Variants in CADM2 observed in about 807,000 individuals in gnomAD.
The protein encoded by CADM2 is immunoglobulin superfamily member 4D.
A neutral mutation model predicts 49.8 loss-of-function variants in CADM2; 12 were observed. The observed-to-expected ratio is 0.24, with a 90% confidence interval of 0.15 to 0.39. CADM2 has a LOEUF of 0.39. CADM2 is among the 10% of genes least tolerant of loss of function. CADM2 has a pLI of 1.00. For synonymous variants in CADM2, 214 were observed against 175.4 expected (o/e 1.22, Z -1.74); for missense variants, 378 against 492.3 (o/e 0.77, Z 2.20).
intron 1 of CADM2, among the ~76,000 whole-genome samples, chr3:85,464,589 T>A (rs1160031520): frequency 6.6e-6 from 1 of 152,196 alleles, no homozygotes; most frequent in Non-Finnish European, 1.5e-5. Context: ...TCTTGCCCCA[T>A]TTTAGGCAGA....
intron 1 of CADM2, among the ~76,000 whole-genome samples, chr3:85,381,854 T>G (rs1301045825): frequency 6.6e-6 from 1 of 152,028 alleles, no homozygotes; most frequent in Admixed American, 6.6e-5. Context: ...ACTCTAGAAC[T>G]TCATTGCTAT....
intron 1 of CADM2, among the ~76,000 whole-genome samples, chr3:85,381,764 A>G (rs1194276167): frequency 6.6e-6 from 1 of 152,070 alleles, no homozygotes; most frequent in African/African-American, 2.4e-5. Flanking sequence ...GCAGGGCTGC[A>G]GGATGTGGGA....
chr3:85,613,100 G>A (rs185242527), intron 1 of CADM2, among the ~76,000 whole-genome samples: 8 of 151,860 alleles, frequency 5.3e-5, no homozygotes, highest in Non-Finnish European at 1.0e-4. Flanking sequence ...GAATAAGGTA[G>A]TTACATGGAT....
At chr3:85,462,802 C>A (rs944947302) in intron 1 of CADM2, among the ~76,000 whole-genome samples, 3 of 152,142 alleles carry the variant, frequency 2.0e-5, no homozygotes, top group Non-Finnish European at 4.4e-5. Context: ...ATATTGCACA[C>A]TCCCATTGAT....
rs527970714 is a variant in CADM2, at chr3:85,369,770, A to T, written c.62-356752A>T. 2.0e-5 allele frequency among the ~76,000 whole-genome samples: 3 copies of T among 152,298 alleles called. No homozygotes were observed. In the South Asian group the frequency reaches 6.2e-4, roughly 32 times the overall value. On this transcript the variant is annotated intron_variant, in intron 1 of 9. Coordinates refer to ENST00000383699, the MANE Select transcript of CADM2 (RefSeq NM_001167675.2). ...TAAAGAGGCATAGAAAAGTGCCTAGATAATCTGCTGACTTTATTACATCAG... is the reference window on the plus strand; with the variant it reads ...TAAAGAGGCATAGAAAAGTGCCTAGTTAATCTGCTGACTTTATTACATCAG...
intron 1 of CADM2, among the ~76,000 whole-genome samples, chr3:85,307,019 C>A (rs1431074058): frequency 6.6e-6 from 1 of 151,552 alleles, no homozygotes; most frequent in Admixed American, 6.6e-5. Flanking sequence ...TGTTCTTGAA[C>A]TTCTTATAAA....
At position 85,150,471 on chromosome 3, in the gene CADM2, A is replaced by AT. The variant is rs1275864916; in HGVS notation, c.61+190811dup. On this transcript the variant is annotated intron_variant, in intron 1 of 9. Transcript: ENST00000383699. ...AGTAGTTTTTCTTGAGCTGTCAGAA[A>AT]TTTTTTTTCCAATGAAGACCAAATT... is the stretch of plus-strand genomic sequence containing the variant. Among the ~76,000 whole-genome samples the AT allele has an allele frequency of 3.3e-5, 5 of 152,222 alleles. No homozygotes were observed. In the South Asian group the frequency reaches 8.3e-4, roughly 25 times the overall value.
chr3:85,313,140 A>T (rs1004106241), intron 1 of CADM2, among the ~76,000 whole-genome samples: 8 of 152,192 alleles, frequency 5.3e-5, no homozygotes, highest in Non-Finnish European at 1.2e-4. Flanking sequence ...CTGTGTGCTA[A>T]TGAGGAGAAC....
intron 1 of CADM2, among the ~76,000 whole-genome samples, chr3:85,123,245 A>G (rs1229802484): frequency 6.6e-6 from 1 of 152,188 alleles, no homozygotes; most frequent in Non-Finnish European, 1.5e-5. Flanking sequence ...TGACATCACA[A>G]CTAAAGGCAA....
intron 8 of CADM2, among the ~76,000 whole-genome samples, chr3:86,052,481 C>G (rs1351538676): frequency 2.0e-5 from 3 of 152,024 alleles, no homozygotes; most frequent in Non-Finnish European, 2.9e-5. Flanking sequence ...TAAGTCTTTT[C>G]ATTGGTATGT....
intron 6 of CADM2, among the ~76,000 whole-genome samples, chr3:85,928,764 T>G (rs1274671361): frequency 6.6e-6 from 1 of 152,088 alleles, no homozygotes; most frequent in Non-Finnish European, 1.5e-5. Context: ...AAAACTTCAG[T>G]TTTTTTGCAT....
intron 1 of CADM2, among the ~76,000 whole-genome samples, chr3:85,685,623 T>G (rs1395542496): frequency 1.3e-5 from 2 of 148,324 alleles, no homozygotes; most frequent in Non-Finnish European, 3.0e-5. Context: ...TTCTTTTTTT[T>G]TTTTTTTTTT....
intron 1 of CADM2, among the ~76,000 whole-genome samples, chr3:85,584,364 A>G (rs1330823956): frequency 1.3e-5 from 2 of 152,058 alleles, no homozygotes; most frequent in Non-Finnish European, 2.9e-5. Flanking sequence ...TCATTTTTAT[A>G]CTAAGATATA....
chr3:85,175,827 CAA>C (rs1405157755), intron 1 of CADM2, among the ~76,000 whole-genome samples: 4 of 146,950 alleles, frequency 2.7e-5, no homozygotes, highest in Admixed American at 1.4e-4. Flanking sequence ...AGCGGAGTAA[CAA>C]GAGTAAAAAA....
chr3:85,661,956 CTTAGAG>C (rs1047202900), intron 1 of CADM2, among the ~76,000 whole-genome samples: 2 of 151,984 alleles, frequency 1.3e-5, no homozygotes, highest in Non-Finnish European at 2.9e-5. Context: ...ATTATTCTCT[CTTAGAG>C]TTAAACATAC....
At chr3:85,377,226 C>CT (rs2033644597) in intron 1 of CADM2, among the ~76,000 whole-genome samples, 1 of 151,996 alleles carries the variant, frequency 6.6e-6, no homozygotes, top group Admixed American at 6.6e-5. Context: ...TTATTTTGTG[C>CT]TTTGTGACAA....
At chr3:85,696,866 C>T (rs577014306) in intron 1 of CADM2, among the ~76,000 whole-genome samples, 6 of 151,786 alleles carry the variant, frequency 4.0e-5, no homozygotes, top group African/African-American at 1.4e-4. Flanking sequence ...AAAATCTTGA[C>T]TATATGTCCA....
At chr3:85,340,476 C>G (rs949849027) in intron 1 of CADM2, among the ~76,000 whole-genome samples, 1 of 151,424 alleles carries the variant, frequency 6.6e-6, no homozygotes, top group African/African-American at 2.4e-5. Context: ...ATTATAGATA[C>G]ATATATATGT....
At chr3:85,106,391 T>G (rs1480928810) in intron 1 of CADM2, among the ~76,000 whole-genome samples, 1 of 152,134 alleles carries the variant, frequency 6.6e-6, no homozygotes, top group Non-Finnish European at 1.5e-5. Flanking sequence ...AGAAGGTACT[T>G]TCTTCCATTT....
Sources: gnomAD v4.1 joint callset for allele counts (sites outside exome capture counted in the v4.1 genomes callset) on GRCh38, gnomAD v4.1.1 for gene constraint, MANE v1.5 for transcripts, NCBI Gene and HGNC (gene_info 2026-07-23, HGNC 2026-07-21) for gene names.